The following BRPF3 variants were observed in gnomAD, a reference collection of about 807,000 sequenced individuals.
BRPF3 encodes bromodomain and PHD finger containing 3, also known as bromodomain and PHD finger-containing protein 3.
Under a neutral mutation model 102.0 loss-of-function variants are expected in BRPF3, and 18 were observed. That is an observed-to-expected ratio of 0.18 (90% CI 0.12 to 0.26). The LOEUF is 0.26. Among genes scored for constraint, BRPF3 ranks in the 10% least tolerant of loss-of-function variants. The pLI is 1.00. For missense variants in BRPF3, 1,147 were observed against 1,567.8 expected (o/e 0.73, Z 4.53); for synonymous variants, 570 against 614.2 (o/e 0.93, Z 1.06).
At chr6:36,228,748 G>A (rs1008163480) in intron 11 of BRPF3, among the ~76,000 whole-genome samples, 154 bp from the exon 12 acceptor site, 14 of 152,230 alleles carry the variant, frequency 9.2e-5, no homozygotes, top group African/African-American at 3.4e-4. Context: ...GGACATTGGA[G>A]GAAGGGGTTT....
chr6:36,225,226 GT>G (rs1768690769), intron 10 of BRPF3, 40 bp from the exon 11 acceptor site: 1 of 1,570,024 alleles, frequency 6.4e-7, no homozygotes, highest in Non-Finnish European at 8.7e-7. Flanking sequence ...ACCATTCCAA[GT>G]CCCCTTTGGG....
chr6:36,212,680 G>A (rs1006576359), intron 7 of BRPF3, among the ~76,000 whole-genome samples: 9 of 152,024 alleles, frequency 5.9e-5, no homozygotes, highest in Admixed American at 2.6e-4. Context: ...TCGGCCGGGC[G>A]CGGTGGCTCA....
chr6:36,197,865 G>A (rs1220471728), intron 1 of BRPF3, among the ~76,000 whole-genome samples: 1 of 152,210 alleles, frequency 6.6e-6, no homozygotes, highest in Non-Finnish European at 1.5e-5. Flanking sequence ...ACACGTCTGT[G>A]TAGAGTCTTG....
chr6:36,222,175 A>C lies in BRPF3; in HGVS notation c.3091A>C (p.Thr1031Pro). The change falls in exon 10 of 13, where the codon ACG (threonine) becomes CCG (proline). Residue 1031 changes from threonine (T) to proline (P), a missense_variant. Thr to Pro is a conservative substitution (Grantham distance 38). Around this residue, in one of 11 missense-constraint regions of BRPF3, gnomAD observed 379 missense variants for 426.3 expected, o/e 0.89. Coordinates refer to ENST00000357641, the MANE Select transcript of BRPF3 (RefSeq NM_015695.3). ...TCCCTGCTCTGTGTGCAGTGGTCTG[A>C]CGCCCCCCAAACGCAGCCGTGGGAA... ...GLAFEACSGLTPPKRSRGKPA... is the reference protein window; with the variant it reads ...GLAFEACSGLPPPKRSRGKPA... The C allele has an allele frequency of 6.5e-7, 1 of 1,550,144 alleles. No homozygotes were observed. The highest frequency in any genetic ancestry group is 8.7e-7 in the Non-Finnish European group (1 of 1,147,038).
At chr6:36,202,302 G>A (rs529662802) in intron 2 of BRPF3, among the ~76,000 whole-genome samples, 1 of 152,250 alleles carries the variant, frequency 6.6e-6, no homozygotes, top group South Asian at 2.1e-4. Flanking sequence ...TCTGTCCTGG[G>A]TATGAGGGGG....
chr6:36,228,755 G>T lies in BRPF3; in HGVS notation c.3280-147G>T, dbSNP rs1228718729. 7 of 893,826 alleles carry T rather than the reference G, an allele frequency of 7.8e-6. No homozygotes were observed. The East Asian group carries it at 1.5e-4, about 19-fold the overall frequency. 55.4% of individuals were successfully genotyped at this position (893,826 alleles called of 1,614,324 possible). On this transcript the variant is annotated intron_variant, in intron 11 of 12. Coordinates refer to ENST00000357641, the MANE Select transcript of BRPF3 (RefSeq NM_015695.3). ...GTCCTAAGGGACATTGGAGGAAGGG[G>T]TTTGCCTGTCTGGTCTGGACATCAA...
Position 36,214,242 on chromosome 6 carries a change from G to A in BRPF3, c.2845G>A (p.Glu949Lys), listed in dbSNP as rs1258212077. Residue 949 changes from glutamate to lysine, a missense_variant, in exon 8 of 13, where the codon GAG becomes AAG. This residue lies in a region of BRPF3 where 379 missense variants were observed against 426.3 expected (regional missense o/e 0.89). Transcript: ENST00000357641. ...KLQRSPDRVL[E>K]NGEDHGVAGS... The stretch of plus-strand genomic sequence containing the variant: ...ACAGAGAAGCCCAGACAGGGTCCTG[G>A]AGAATGGCGAGGACCATGGTGTGGC... 1.9e-6 allele frequency: 3 copies of A among 1,614,092 alleles called. No individual in the cohort carries two copies. In the South Asian group the frequency reaches 3.3e-5, roughly 18 times the overall value.
rs1214792209 is a variant in BRPF3, at chr6:36,230,165, CCAAA to C, written c.3435-258_3435-255del. On this transcript the variant is annotated intron_variant, in intron 12 of 12. Coordinates refer to ENST00000357641, the MANE Select transcript of BRPF3 (RefSeq NM_015695.3). The surrounding 1 kb of genome is among the most constrained non-coding windows in gnomAD (Gnocchi z 5.4). ...TTAGCCTATGGACCCTTACAACTCTCCAAACAGAGTAAGGGCCCAGAGAAGGACC... is the reference window on the plus strand; with the variant it reads ...TTAGCCTATGGACCCTTACAACTCTCCAGAGTAAGGGCCCAGAGAAGGACC... 1.3e-5 allele frequency among the ~76,000 whole-genome samples: 2 copies of C among 152,230 alleles called. No individual in the cohort carries two copies. The highest frequency in any genetic ancestry group is 2.9e-5 in the Non-Finnish European group (2 of 67,994).
chr6:36,214,407 T>C, intron 8 of BRPF3, 21 bp downstream of exon 8: 5 of 1,527,888 alleles, frequency 3.3e-6, no homozygotes, highest in Non-Finnish European at 4.4e-6. Context: ...CTGTGACTTC[T>C]CTTGATACTT....
chr6:36,212,720 G>A (rs1271048791), intron 7 of BRPF3, among the ~76,000 whole-genome samples: 8 of 152,046 alleles, frequency 5.3e-5, no homozygotes, highest in African/African-American at 1.4e-4. Flanking sequence ...TTGGGAGGCC[G>A]AGGCGGGTGG....
chr6:36,225,475 A>AG, intron 11 of BRPF3, 111 bp downstream of exon 11: 1 of 960,282 alleles, frequency 1.0e-6, no homozygotes. Flanking sequence ...CTTTAGCTGT[A>AG]GAGGGGAGGG....
intron 4 of BRPF3, 143 bp from the exon 5 acceptor site, chr6:36,209,644 G>A: frequency 1.0e-6 from 1 of 983,356 alleles, no homozygotes; most frequent in Non-Finnish European, 1.4e-6. Flanking sequence ...AAGGTTGGGT[G>A]ATAGCTTCTC....
At chr6:36,214,571 G>A in intron 8 of BRPF3, among the ~76,000 whole-genome samples, 185 bp downstream of exon 8, 1 of 152,214 alleles carries the variant, frequency 6.6e-6, no homozygotes, top group East Asian at 1.9e-4. Context: ...AATAGGCTTT[G>A]AGCAGGTATT....
chr6:36,231,064 T>C lies in BRPF3; in HGVS notation c.*455T>C, dbSNP rs543812515. On this transcript the variant is annotated 3_prime_UTR_variant, in exon 13 of 13. Transcript: ENST00000357641. ...AGGGGGAATCTCCCCAAGCTCACAC[T>C]CTCTCCCGCTTATCGCCTATTCTCA... 2 of 161,016 alleles carry C rather than the reference T, an allele frequency of 1.2e-5. No homozygotes were observed. The highest frequency in any genetic ancestry group is 1.8e-4 in the South Asian group (1 of 5,550). 10.0% of individuals were successfully genotyped at this position (161,016 alleles called of 1,614,324 possible).
At chr6:36,222,094 A>G in intron 9 of BRPF3, 74 bp from the exon 10 acceptor site, 3 of 1,403,390 alleles carry the variant, frequency 2.1e-6, no homozygotes, top group Non-Finnish European at 3.0e-6. Context: ...GAGAGGGGAG[A>G]GGGGAGAAGG....
rs41270092 is a variant in BRPF3, at chr6:36,214,352, A to G, written c.2955A>G (p.Glu985=). 4.4e-3 allele frequency: 7,140 copies of G among 1,604,914 alleles called. 84 individuals are homozygous for G. The highest frequency in any genetic ancestry group is 0.036 in the African/African-American group (2,669 of 74,854). The change falls in exon 8 of 13, where the codon GAA becomes GAG. Residue 985 remains glutamate, a synonymous_variant. Coordinates refer to ENST00000357641, the MANE Select transcript of BRPF3 (RefSeq NM_015695.3). Reference sequence around the variant, plus strand: ...GGAGCAGGAGCTGTAGTGAGAGCGAAGGGGAGAGGTCCCCCCAGCAGGAGG... The same window carrying G: ...GGAGCAGGAGCTGTAGTGAGAGCGAGGGGGAGAGGTCCCCCCAGCAGGAGG... ...RPRSRSCSES[E]GERSPQQEEE...
intron 9 of BRPF3, among the ~76,000 whole-genome samples, 189 bp downstream of exon 9, chr6:36,218,199 T>C (rs1452714605): frequency 6.6e-6 from 1 of 152,154 alleles, no homozygotes; most frequent in African/African-American, 2.4e-5. Context: ...CTCTCAGATC[T>C]GATCTGAGAG....
intron 6 of BRPF3, 101 bp from the exon 7 acceptor site, chr6:36,211,157 A>G: frequency 7.5e-7 from 1 of 1,338,546 alleles, no homozygotes; most frequent in Non-Finnish European, 1.0e-6. Context: ...TGGCCCAGGC[A>G]TTCCAAGAGA....
Position 36,204,764 on chromosome 6 carries a change from C to T in BRPF3, c.1555C>T (p.Leu519Phe). The change falls in exon 3 of 13, where the codon CTT becomes TTT. Residue 519 changes from leucine to phenylalanine, a missense_variant. By Grantham distance (22) the Leu-to-Phe change is conservative. Around this residue, in one of 11 missense-constraint regions of BRPF3, gnomAD observed 37 missense variants for 33.3 expected, o/e 1.11. Transcript: ENST00000357641. ...LKRQARNGVPLIRRLHSHLQS... is the reference protein window; with the variant it reads ...LKRQARNGVPFIRRLHSHLQS... Reference sequence around the variant, plus strand: ...GCGGCAGGCACGGAATGGTGTCCCTCTTATCCGGCGCTTGCACTCCCATCT... The same window carrying T: ...GCGGCAGGCACGGAATGGTGTCCCTTTTATCCGGCGCTTGCACTCCCATCT... 1 of 1,614,264 alleles carries T rather than the reference C, an allele frequency of 6.2e-7. No individual in the cohort carries two copies. The highest frequency in any genetic ancestry group is 8.5e-7 in the Non-Finnish European group (1 of 1,180,048).
Sources: allele counts gnomAD v4.1 joint callset (sites outside exome capture counted in the v4.1 genomes callset), GRCh38; gene constraint gnomAD v4.1.1; regional missense constraint gnomAD v4.1.1; non-coding constraint Gnocchi (gnomAD v3.1); transcripts MANE v1.5; gene names NCBI Gene and HGNC (gene_info 2026-07-23, HGNC 2026-07-21).